MAN1A1: variants seen among roughly 807,000 people sequenced by gnomAD.
MAN1A1 encodes the protein mannosidase alpha class 1A member 1, also known as mannosyl-oligosaccharide 1,2-alpha-mannosidase IA.
A neutral mutation model predicts 70.8 loss-of-function variants in MAN1A1; 29 were observed. The observed-to-expected ratio is 0.41, with a 90% CI of 0.31 to 0.56. MAN1A1 has a LOEUF of 0.56. MAN1A1 is among the 20% of genes least tolerant of loss of function. MAN1A1 has a pLI of 0.29. For missense variants in MAN1A1, 747 were observed against 841.3 expected (o/e 0.89, Z 1.39); for synonymous variants, 349 against 330.1 (o/e 1.06, Z -0.62).
At chr6:119,239,097 C>G (rs1188233998) in intron 6 of MAN1A1, among the ~76,000 whole-genome samples, 2 of 151,958 alleles carry the variant, frequency 1.3e-5, no homozygotes, top group Non-Finnish European at 2.9e-5. Flanking sequence ...TCACCGTGGT[C>G]TCGATCTCCT....
intron 5 of MAN1A1, among the ~76,000 whole-genome samples, chr6:119,262,167 C>A (rs549458413): frequency 3.9e-5 from 6 of 152,152 alleles, no homozygotes; most frequent in Non-Finnish European, 8.8e-5. Context: ...CAGCACTAAA[C>A]AAATACAGCA....
Position 119,179,107 on chromosome 6 carries a change from A to C in MAN1A1, c.*712T>G, listed in dbSNP as rs1773079931. On this transcript the variant is annotated 3_prime_UTR_variant, in exon 13 of 13. Transcript: ENST00000368468. ...GAAGAAATTAACTAGTATATAATCC[A>C]GAAATGACACAGGGCATTTAAAGTA... The C allele has an allele frequency of 6.6e-6, 1 of 152,228 alleles. No homozygotes were observed. Among genetic ancestry groups the C allele is most frequent in the Admixed American group, 6.5e-5 (1 of 15,278 alleles). 9.4% of individuals were successfully genotyped at this position (152,228 alleles called of 1,614,324 possible).
At chr6:119,214,255 T>C (rs7774746) in intron 6 of MAN1A1, among the ~76,000 whole-genome samples, 134,034 of 152,182 alleles carry the variant, frequency 0.88, 59,304 homozygotes, top group Non-Finnish European at 0.9. Context: ...TGAGCCACTG[T>C]GCCCAGCCCT....
intron 5 of MAN1A1, among the ~76,000 whole-genome samples, chr6:119,274,681 A>G (rs1776006969): frequency 6.6e-6 from 1 of 152,214 alleles, no homozygotes; most frequent in Non-Finnish European, 1.5e-5. Flanking sequence ...TCACAATGTC[A>G]CACCAAAATA....
At chr6:119,264,587 G>A (rs554572717) in intron 5 of MAN1A1, among the ~76,000 whole-genome samples, 21 of 152,164 alleles carry the variant, frequency 1.4e-4, no homozygotes, top group South Asian at 6.2e-4. Flanking sequence ...ATGTGCTTGC[G>A]GTTGTTGTTT....
At chr6:119,223,749 T>C (rs1039727330) in intron 6 of MAN1A1, among the ~76,000 whole-genome samples, 1 of 152,082 alleles carries the variant, frequency 6.6e-6, no homozygotes, top group African/African-American at 2.4e-5. Flanking sequence ...AGAAAATTAT[T>C]GAGGATATTT....
intron 6 of MAN1A1, among the ~76,000 whole-genome samples, chr6:119,231,910 CTT>C (rs1303217672): frequency 6.6e-6 from 1 of 152,172 alleles, no homozygotes; most frequent in Non-Finnish European, 1.5e-5. Context: ...ATAGTTGCCA[CTT>C]TTAACTCTTT....
chr6:119,310,493 G>C (rs1370651770), intron 2 of MAN1A1, among the ~76,000 whole-genome samples: 5 of 152,106 alleles, frequency 3.3e-5, no homozygotes, highest in African/African-American at 1.2e-4. Flanking sequence ...ACCAGGGCCT[G>C]GTGCCCAACT....
In MAN1A1 at chr6:119,301,847, A is replaced by G. The variant is rs757296627; in HGVS notation, c.816+141T>C. 64 of 567,482 alleles carry G rather than the reference A, an allele frequency of 1.1e-4. No homozygotes were observed. In the Admixed American group the frequency reaches 1.6e-3, roughly 14 times the overall value. The allele number at this position is 567,482 out of a possible 1,614,324, so 35.2% of individuals were successfully genotyped here. A position where few individuals can be genotyped will look rare whatever the true frequency, so the allele number is the denominator to read the frequency against. On this transcript the variant is annotated intron_variant, in intron 4 of 12. Transcript: ENST00000368468. ...AGTGAGGACAATTTAAGAATATAGT[A>G]TAAGATAATAGTATTTGTACTACCT...
chr6:119,192,364 A>G (rs550324660), intron 9 of MAN1A1, among the ~76,000 whole-genome samples: 24 of 152,196 alleles, frequency 1.6e-4, no homozygotes, highest in African/African-American at 5.8e-4. Flanking sequence ...TTTGATGTTA[A>G]TCATGTGCCT....
At chr6:119,184,878 G>A (rs760784) in intron 11 of MAN1A1, among the ~76,000 whole-genome samples, 23,153 of 151,852 alleles carry the variant, frequency 0.15, 1,860 homozygotes, top group East Asian at 0.22. Flanking sequence ...GAATTTGTCA[G>A]TTTCTCATGA....
chr6:119,204,687 A>C, intron 7 of MAN1A1, 72 bp downstream of exon 7: 1 of 1,562,192 alleles, frequency 6.4e-7, no homozygotes, highest in South Asian at 1.2e-5. Flanking sequence ...AAAAATTCCT[A>C]AACCTTCTCA....
Position 119,302,574 on chromosome 6 carries a change from G to A in MAN1A1, c.701-471C>T, listed in dbSNP as rs545333897. The stretch of plus-strand genomic sequence containing the variant: ...TTTTTGTGTTTTTAGTAGAGACGGG[G>A]TTTCACCATGTTGGCCAGAATGGTC... On this transcript the variant is annotated intron_variant, in intron 3 of 12. Transcript: ENST00000368468. Among the ~76,000 whole-genome samples, 3 of 152,018 alleles carry A rather than the reference G, an allele frequency of 2.0e-5. No individual in the cohort carries two copies. In the South Asian group the frequency reaches 6.2e-4, roughly 32 times the overall value.
At chr6:119,319,182 T>A (rs567995746) in intron 2 of MAN1A1, among the ~76,000 whole-genome samples, 13 of 152,148 alleles carry the variant, frequency 8.5e-5, no homozygotes, top group African/African-American at 2.9e-4. Flanking sequence ...AGCACTAACA[T>A]CTAATATGCC....
intron 6 of MAN1A1, among the ~76,000 whole-genome samples, chr6:119,220,754 A>T (rs1223225700): frequency 2.0e-5 from 3 of 152,184 alleles, no homozygotes; most frequent in Non-Finnish European, 2.9e-5. Context: ...TTCAGATACT[A>T]CAGGATGTCA....
Position 119,268,790 on chromosome 6 carries a change from T to C in MAN1A1, c.898-20436A>G, listed in dbSNP as rs191333036. On this transcript the variant is annotated intron_variant, in intron 5 of 12. Transcript: ENST00000368468. ...TTGTTAGAGATGGGGTTTCATAATG[T>C]TGCCCAGGATGGTCTCAAATTCCTG... Among the ~76,000 whole-genome samples the C allele has an allele frequency of 2.0e-5, 3 of 152,246 alleles. No homozygotes were observed. In the East Asian group the frequency reaches 5.8e-4, roughly 29 times the overall value.
intron 6 of MAN1A1, among the ~76,000 whole-genome samples, chr6:119,205,148 A>G (rs1236998583): frequency 6.6e-6 from 1 of 152,208 alleles, no homozygotes; most frequent in Non-Finnish European, 1.5e-5. Context: ...CTTTTGGAAA[A>G]TACAGGTGCT....
At chr6:119,265,101 A>AT (rs1562216848) in intron 5 of MAN1A1, among the ~76,000 whole-genome samples, 4 of 88,952 alleles carry the variant, frequency 4.5e-5, no homozygotes, top group African/African-American at 7.3e-5. Context: ...GCCTTTTTTA[A>AT]ATTTTTTTTT....
At chr6:119,232,604 T>C (rs558818489) in intron 6 of MAN1A1, among the ~76,000 whole-genome samples, 1 of 152,126 alleles carries the variant, frequency 6.6e-6, no homozygotes, top group Non-Finnish European at 1.5e-5. Flanking sequence ...AAATTCAAAT[T>C]ATAAAATTGG....
Sources: allele counts gnomAD v4.1 joint callset (sites outside exome capture counted in the v4.1 genomes callset), GRCh38; gene constraint gnomAD v4.1.1; transcripts MANE v1.5; gene names NCBI Gene and HGNC (gene_info 2026-07-23, HGNC 2026-07-21).